The following SYNE2 variants were observed in gnomAD, a reference collection of about 807,000 sequenced individuals.
SYNE2 encodes spectrin repeat containing nuclear envelope protein 2.
A neutral mutation model predicts 856.3 loss-of-function variants in SYNE2; 431 were observed. That is an observed-to-expected ratio of 0.50 (90% CI 0.47 to 0.55). SYNE2 has a LOEUF of 0.55. Among genes scored for constraint, SYNE2 ranks in the 20% least tolerant of loss-of-function variants. The pLI is 0.00. For synonymous variants in SYNE2, 2,923 were observed against 2,872.3 expected, an observed-to-expected ratio of 1.02 and a Z score of -0.56; for missense variants, 8,129 against 8,023.2, an observed-to-expected ratio of 1.01 and a Z score of -0.50.
intron 1 of SYNE2, among the ~76,000 whole-genome samples, chr14:63,798,037 T>A (rs1414828934): frequency 2.0e-5 from 3 of 152,230 alleles, no homozygotes; most frequent in African/African-American, 7.2e-5. Context: ...TAGGTTAGCA[T>A]ATTAAACACC....
intron 94 of SYNE2, among the ~76,000 whole-genome samples, chr14:64,174,214 G>A (rs1296810473): frequency 6.6e-6 from 1 of 152,090 alleles, no homozygotes; most frequent in Non-Finnish European, 1.5e-5. Context: ...TGGAATTACA[G>A]GCATCCACCA....
chr14:63,930,751 G>A (rs937994551), intron 2 of SYNE2, among the ~76,000 whole-genome samples: 4 of 152,044 alleles, frequency 2.6e-5, no homozygotes, highest in African/African-American at 9.7e-5. Context: ...GACCAGGCTG[G>A]TCTCAAACTC....
intron 12 of SYNE2, among the ~76,000 whole-genome samples, chr14:63,977,464 G>A (rs929660141): frequency 6.6e-6 from 1 of 152,070 alleles, no homozygotes; most frequent in East Asian, 1.9e-4. Flanking sequence ...TGCCCACCTC[G>A]GCCTCCCATA....
chr14:64,152,325 C>CA (rs2098250977), intron 84 of SYNE2, among the ~76,000 whole-genome samples: 1 of 152,172 alleles, frequency 6.6e-6, no homozygotes, highest in Admixed American at 6.5e-5. Flanking sequence ...CTCGGACCAG[C>CA]ATCCTTTCTG....
chr14:64,082,010 C>A (rs1046788225), intron 57 of SYNE2, among the ~76,000 whole-genome samples: 4 of 151,776 alleles, frequency 2.6e-5, no homozygotes, highest in African/African-American at 9.7e-5. Context: ...GGCGTGAACC[C>A]AGGAGGCGGA....
Position 64,165,265 on chromosome 14 carries a change from G to A in SYNE2, c.16480-20G>A. On this transcript the variant is annotated intron_variant, in intron 89 of 115. Coordinates refer to ENST00000555002, the MANE Select transcript of SYNE2 (RefSeq NM_182914.3). ...TATGTACATGAAAATAGTTTCTAAT[G>A]AAAATTTCTCTTGTTCTAGTTTGTT... The A allele has an allele frequency of 6.2e-7, 1 of 1,611,912 alleles. No homozygotes were observed. Among genetic ancestry groups the A allele is most frequent in the Non-Finnish European group, 8.5e-7 (1 of 1,178,234 alleles).
At chr14:63,888,277 G>A (rs1447728864) in intron 1 of SYNE2, among the ~76,000 whole-genome samples, 1 of 152,180 alleles carries the variant, frequency 6.6e-6, no homozygotes, top group Non-Finnish European at 1.5e-5. Context: ...AGACTGTTCA[G>A]CTTCCCAGAC....
intron 96 of SYNE2, among the ~76,000 whole-genome samples, chr14:64,183,588 G>A (rs11846882): frequency 2.6e-5 from 4 of 152,092 alleles, no homozygotes; most frequent in Non-Finnish European, 4.4e-5. Flanking sequence ...AGGTTGTAGC[G>A]AGCCGAGATC....
intron 11 of SYNE2, among the ~76,000 whole-genome samples, chr14:63,968,099 G>T (rs1418849588): frequency 6.6e-6 from 1 of 152,132 alleles, no homozygotes; most frequent in African/African-American, 2.4e-5. Flanking sequence ...GGAGGCAGAG[G>T]TTGCAGTGAG....
chr14:63,985,091 A>C (rs2096614736), intron 18 of SYNE2, among the ~76,000 whole-genome samples: 1 of 152,220 alleles, frequency 6.6e-6, no homozygotes, highest in African/African-American at 2.4e-5. Context: ...GCACTTTGGA[A>C]GGCCAAGGCA....
At chr14:63,852,704 C>T (rs1890648184), upstream of SYNE2, among the ~76,000 whole-genome samples, 2 of 152,170 alleles carry the variant, frequency 1.3e-5, no homozygotes, top group African/African-American at 2.4e-5. Flanking sequence ...CTGAAATCCT[C>T]CAGAAGAGCT....
intron 1 of SYNE2, among the ~76,000 whole-genome samples, chr14:63,900,648 C>T (rs2095325080): frequency 6.6e-6 from 1 of 152,116 alleles, no homozygotes; most frequent in African/African-American, 2.4e-5. Flanking sequence ...ATTGGTTGTT[C>T]TGGCATTTGT....
intron 11 of SYNE2, among the ~76,000 whole-genome samples, chr14:63,969,787 T>G (rs2096451146): frequency 6.6e-6 from 1 of 152,214 alleles, no homozygotes; most frequent in Non-Finnish European, 1.5e-5. Flanking sequence ...ACATATAATG[T>G]TCACATTATC....
chr14:64,042,745 A>G (rs2153564541), intron 45 of SYNE2, among the ~76,000 whole-genome samples: 1 of 129,998 alleles, frequency 7.7e-6, no homozygotes, highest in South Asian at 2.8e-4. Flanking sequence ...TGGAACTGTA[A>G]ATCCATTAAA....
At chr14:63,791,611 A>T (rs1344877907) in intron 1 of SYNE2, among the ~76,000 whole-genome samples, 1 of 152,200 alleles carries the variant, frequency 6.6e-6, no homozygotes, top group Non-Finnish European at 1.5e-5. Flanking sequence ...AAAGAAGCAT[A>T]CTGCAATCCC....
At chr14:64,031,610 A>T (rs2097036032) in intron 45 of SYNE2, among the ~76,000 whole-genome samples, 1 of 152,262 alleles carries the variant, frequency 6.6e-6, no homozygotes, top group Non-Finnish European at 1.5e-5. Flanking sequence ...ATAGGTAATC[A>T]GATACCGTTT....
At chr14:64,217,778 C>T (rs1001098218) in intron 108 of SYNE2, among the ~76,000 whole-genome samples, 3 of 152,004 alleles carry the variant, frequency 2.0e-5, no homozygotes, top group African/African-American at 7.3e-5. Context: ...ACAAATAGGC[C>T]ATACAGACAG....
intron 21 of SYNE2, among the ~76,000 whole-genome samples, chr14:63,993,208 C>T (rs758978991): frequency 7.9e-5 from 12 of 152,238 alleles, no homozygotes; most frequent in African/African-American, 1.2e-4. Context: ...TGCTTATGCA[C>T]GATAGTTAAC....
intron 84 of SYNE2, among the ~76,000 whole-genome samples, chr14:64,151,563 T>C (rs1001620950): frequency 1.6e-5 from 1 of 61,850 alleles, no homozygotes; most frequent in Non-Finnish European, 3.4e-5. Flanking sequence ...TTTCAAAAAA[T>C]AAAAATAAAA....
Sources: allele counts gnomAD v4.1 joint callset (sites outside exome capture counted in the v4.1 genomes callset), GRCh38; gene constraint gnomAD v4.1.1; transcripts MANE v1.5; gene names NCBI Gene and HGNC (gene_info 2026-07-23, HGNC 2026-07-21).